Variants in TMEM161B observed in about 807,000 individuals in gnomAD.
TMEM161B encodes the protein transmembrane protein 161B.
A neutral mutation model predicts 61.8 loss-of-function variants in TMEM161B; 34 were observed. The ratio of observed to expected loss-of-function variants is 0.55; its 90% CI spans 0.42 to 0.73. The LOEUF is 0.73. Among genes scored for constraint, TMEM161B ranks in the 30% least tolerant of loss-of-function variants. The pLI is 0.00. For missense variants in TMEM161B, 456 were observed against 558.5 expected, an observed-to-expected ratio of 0.82 and a Z score of 1.85; for synonymous variants, 167 against 192.8, an observed-to-expected ratio of 0.87 and a Z score of 1.11.
chr5:88,255,011 G>C (rs1045169539), intron 1 of TMEM161B, among the ~76,000 whole-genome samples: 3 of 152,108 alleles, frequency 2.0e-5, no homozygotes, highest in African/African-American at 7.2e-5. Flanking sequence ...ACCACACCAA[G>C]ATCAGGGTCT....
intron 5 of TMEM161B, among the ~76,000 whole-genome samples, chr5:88,219,621 C>T (rs960204819): frequency 4.6e-5 from 7 of 151,876 alleles, no homozygotes; most frequent in African/African-American, 1.5e-4. Context: ...ATGTACAAGG[C>T]GAAGGATAGG....
intron 4 of TMEM161B, among the ~76,000 whole-genome samples, chr5:88,224,041 T>C (rs559787218): frequency 1.3e-5 from 2 of 152,348 alleles, no homozygotes; most frequent in South Asian, 2.1e-4. Context: ...CGAAGCCACT[T>C]TGTATCACAA....
chr5:88,224,959 G>GTTTTTTTTTTTTTTTTTTTTTTTTTT lies in TMEM161B; in HGVS notation c.289+809_289+810insAAAAAAAAAAAAAAAAAAAAAAAAAA, dbSNP rs202011902. ...ATAATACACATAACACACAAAATAT[G>GTTTTTTTTTTTTTTTTTTTTTTTTTT]TTTTTGTTTTTTTTTTTTTTTTTTT... On this transcript the variant is annotated intron_variant, in intron 4 of 11. Transcript: ENST00000296595. Among the ~76,000 whole-genome samples the GTTTTTTTTTTTTTTTTTTTTTTTTTT allele has an allele frequency of 4.9e-5, 5 of 101,202 alleles. 2 individuals are homozygous for GTTTTTTTTTTTTTTTTTTTTTTTTTT. Among genetic ancestry groups the GTTTTTTTTTTTTTTTTTTTTTTTTTT allele is most frequent in the African/African-American group, 1.5e-4 (4 of 25,838 alleles). 66.4% of individuals were successfully genotyped at this position (101,202 alleles called of 152,430 possible).
At chr5:88,188,775 G>T (rs999686524), downstream of TMEM161B, among the ~76,000 whole-genome samples, 1 of 152,186 alleles carries the variant, frequency 6.6e-6, no homozygotes, top group African/African-American at 2.4e-5. Context: ...ACAGCTCTAA[G>T]GGGTTCCATG....
chr5:88,214,290 C>T (rs1747407061), intron 5 of TMEM161B, among the ~76,000 whole-genome samples: 1 of 152,048 alleles, frequency 6.6e-6, no homozygotes, highest in Admixed American at 6.5e-5. Context: ...AATACAAGCA[C>T]TGTGGAAATG....
At chr5:88,199,272 A>G (rs1281463840) in intron 9 of TMEM161B, 122 bp from the exon 10 acceptor site, 2 of 911,106 alleles carry the variant, frequency 2.2e-6, no homozygotes, top group Non-Finnish European at 3.2e-6. Flanking sequence ...TTAGACACAT[A>G]AAAGAATCTG....
chr5:88,238,341 A>G (rs1752197055), intron 2 of TMEM161B, among the ~76,000 whole-genome samples: 1 of 151,866 alleles, frequency 6.6e-6, no homozygotes, highest in Admixed American at 6.6e-5. Context: ...AGAAGCCATA[A>G]CAAAAAAAAA....
chr5:88,258,430 G>A (rs533300301), intron 1 of TMEM161B, among the ~76,000 whole-genome samples: 12 of 152,176 alleles, frequency 7.9e-5, no homozygotes, highest in African/African-American at 2.9e-4. Flanking sequence ...GAGTAAGTAT[G>A]CATTAATTTA....
intron 9 of TMEM161B, chr5:88,200,804 A>C (rs1277198971): frequency 6.6e-6 from 1 of 152,048 alleles, no homozygotes; most frequent in Admixed American, 6.6e-5. Context: ...GGAGATTATG[A>C]GCACACATGG....
intron 5 of TMEM161B, among the ~76,000 whole-genome samples, chr5:88,213,113 C>T (rs1006179424): frequency 2.7e-5 from 4 of 150,392 alleles, no homozygotes; most frequent in Admixed American, 2.6e-4. Flanking sequence ...TCTTCCACCT[C>T]TGTTTTTCCA....
intron 1 of TMEM161B, among the ~76,000 whole-genome samples, chr5:88,245,503 T>G (rs1753474500): frequency 6.6e-6 from 1 of 151,938 alleles, no homozygotes; most frequent in Non-Finnish European, 1.5e-5. Context: ...AACATCAACC[T>G]AGCTTTGAAA....
intron 1 of TMEM161B, among the ~76,000 whole-genome samples, chr5:88,248,290 A>T (rs570853130): frequency 6.6e-6 from 1 of 152,222 alleles, no homozygotes; most frequent in Admixed American, 6.6e-5. Flanking sequence ...AGCGGGAGGT[A>T]GGATGTTTCC....
At chr5:88,192,281 T>A (rs1240397277), downstream of TMEM161B, among the ~76,000 whole-genome samples, 1 of 151,762 alleles carries the variant, frequency 6.6e-6, no homozygotes, top group Middle Eastern at 3.4e-3. Context: ...AAATACACAC[T>A]CTGATCCATT....
Position 88,200,923 on chromosome 5 carries a change from A to G in TMEM161B, c.915-1773T>C, listed in dbSNP as rs540239829. On this transcript the variant is annotated intron_variant, in intron 9 of 11. Transcript: ENST00000296595. ...TTATACCATATTTTTGCTTCTGATT[A>G]CAAAGACCTTTCCACAAACCAATTT... 4 of 152,214 alleles carry G rather than the reference A, an allele frequency of 2.6e-5. No individual in the cohort carries two copies. In the East Asian group the frequency reaches 7.7e-4, roughly 29 times the overall value. The allele number at this position is 152,214 out of a possible 1,614,324, so 9.4% of individuals were successfully genotyped here.
chr5:88,268,089 G>C (rs988189077), intron 1 of TMEM161B, among the ~76,000 whole-genome samples: 8 of 152,092 alleles, frequency 5.3e-5, no homozygotes, highest in Admixed American at 5.2e-4. Flanking sequence ...TAACCTTTAA[G>C]GTGCATGCAA....
At chr5:88,250,398 A>G (rs931723026) in intron 1 of TMEM161B, among the ~76,000 whole-genome samples, 1 of 152,186 alleles carries the variant, frequency 6.6e-6, no homozygotes, top group Non-Finnish European at 1.5e-5. Flanking sequence ...AAAGCCTATC[A>G]TTAATATTTC....
rs556806559 is a variant in TMEM161B at position 88,234,140 on chromosome 5, T to TA, written c.108-5613dup. On this transcript the variant is annotated intron_variant, in intron 2 of 11. Transcript: ENST00000296595. ...GTTGTTACTTTAAATGGGAGAAGTT[T>TA]AAAAAAAAAGTGTGTGTGGTAACAG... 4.8e-3 allele frequency among the ~76,000 whole-genome samples: 730 copies of TA among 151,496 alleles called. 10 individuals are homozygous for TA. The highest frequency in any genetic ancestry group is 0.017 in the African/African-American group (687 of 41,306).
chr5:88,195,546 C>A lies in TMEM161B; in HGVS notation c.*665G>T, dbSNP rs1749488670. ...GGCAAGATTACAAATGTTCATATGG[C>A]CAATCATTTTAAAAGAACTCTCAAG... On this transcript the variant is annotated 3_prime_UTR_variant, in exon 12 of 12. Coordinates refer to ENST00000296595, the MANE Select transcript of TMEM161B (RefSeq NM_153354.5). 5 of 985,046 alleles carry A rather than the reference C, an allele frequency of 5.1e-6. No individual in the cohort carries two copies. The Admixed American group carries it at 3.1e-4, about 61-fold the overall frequency. 61.0% of individuals were successfully genotyped at this position (985,046 alleles called of 1,614,324 possible). A position where few individuals can be genotyped will look rare whatever the true frequency, so the allele number is the denominator to read the frequency against.
At chr5:88,193,475 A>C (rs1749176449), downstream of TMEM161B, among the ~76,000 whole-genome samples, 1 of 152,160 alleles carries the variant, frequency 6.6e-6, no homozygotes, top group East Asian at 1.9e-4. Flanking sequence ...TCTTGGTTCA[A>C]AGACAAAATG....
Sources: gnomAD v4.1 joint callset for allele counts (sites outside exome capture counted in the v4.1 genomes callset) on GRCh38, gnomAD v4.1.1 for gene constraint, MANE v1.5 for transcripts, NCBI Gene and HGNC (gene_info 2026-07-23, HGNC 2026-07-21) for gene names.